FAP: variants seen among roughly 807,000 people sequenced by gnomAD.
The protein encoded by FAP is fibroblast activation protein alpha.
A neutral mutation model predicts 126.5 loss-of-function variants in FAP; 110 were observed. The observed-to-expected ratio is 0.87, with a 90% CI of 0.74 to 1.02. The LOEUF is 1.02. Among genes scored for constraint, FAP ranks in the 50% least tolerant of loss-of-function variants. The pLI is 0.00. For synonymous variants in FAP, 334 were observed against 297.3 expected, an observed-to-expected ratio of 1.12 and a Z score of -1.27; for missense variants, 919 against 909.2, an observed-to-expected ratio of 1.01 and a Z score of -0.14.
At chr2:162,235,009 G>A (rs1333064919) in intron 2 of FAP, among the ~76,000 whole-genome samples, 29 of 152,078 alleles carry the variant, frequency 1.9e-4, no homozygotes, top group Admixed American at 1.8e-3. Flanking sequence ...AGGGCGAACC[G>A]GGTCCCCTAG....
intron 17 of FAP, among the ~76,000 whole-genome samples, chr2:162,192,621 C>T (rs965737404): frequency 6.6e-6 from 1 of 152,110 alleles, no homozygotes; most frequent in Non-Finnish European, 1.5e-5. Flanking sequence ...TGACTTTCAT[C>T]GTTATCTTCA....
intron 2 of FAP, 30 bp downstream of exon 2, chr2:162,242,878 C>G: frequency 1.9e-6 from 3 of 1,546,964 alleles, no homozygotes; most frequent in Non-Finnish European, 2.7e-6. Context: ...CTATTCTAGG[C>G]AGATAGAGCA....
intron 25 of FAP, 86 bp downstream of exon 25, chr2:162,172,725 A>T: frequency 1.2e-6 from 1 of 856,244 alleles, no homozygotes; most frequent in Non-Finnish European, 1.9e-6. Context: ...ATTTTACTTT[A>T]AAAGTTAAAA....
chr2:162,198,527 C>A (rs1318953968), intron 16 of FAP: 2 of 712,284 alleles, frequency 2.8e-6, no homozygotes, highest in Non-Finnish European at 4.3e-6. Context: ...GCAGTGCGGA[C>A]CTTTTGGCAA....
chr2:162,196,518 CTTTT>C (rs3051148), intron 16 of FAP, among the ~76,000 whole-genome samples: 7 of 127,678 alleles, frequency 5.5e-5, no homozygotes, highest in Admixed American at 7.8e-5. Flanking sequence ...ACTTGCATAT[CTTTT>C]TTTTTTTTTT....
intron 8 of FAP, among the ~76,000 whole-genome samples, chr2:162,218,657 A>G (rs1168659335): frequency 6.6e-6 from 1 of 152,014 alleles, no homozygotes; most frequent in Non-Finnish European, 1.5e-5. Context: ...TGAATTCTAC[A>G]TGACCTAGAA....
chr2:162,205,741 G>T (rs1311582212), intron 12 of FAP, among the ~76,000 whole-genome samples: 20 of 152,142 alleles, frequency 1.3e-4, no homozygotes, highest in Admixed American at 1.3e-3. Context: ...TCGAACTCCT[G>T]ACCTCAGGTG....
At chr2:162,190,246 ATCTT>A (rs1444320480) in intron 17 of FAP, among the ~76,000 whole-genome samples, 1 of 152,066 alleles carries the variant, frequency 6.6e-6, no homozygotes, top group African/African-American at 2.4e-5. Context: ...GATTTTTAAA[ATCTT>A]TCTTTCTTAC....
At chr2:162,208,290 T>C in intron 12 of FAP, among the ~76,000 whole-genome samples, 1 of 151,576 alleles carries the variant, frequency 6.6e-6, no homozygotes, top group Non-Finnish European at 1.5e-5. Flanking sequence ...TTGCAGGCAA[T>C]TCATTCATTC....
intron 14 of FAP, among the ~76,000 whole-genome samples, chr2:162,201,476 T>G (rs1357343874): frequency 1.3e-5 from 2 of 152,182 alleles, no homozygotes; most frequent in Non-Finnish European, 2.9e-5. Flanking sequence ...CCCTTTTCCT[T>G]GCCCTCCCCA....
At chr2:162,203,230 T>C in intron 12 of FAP, 85 bp from the exon 13 acceptor site, 1 of 761,366 alleles carries the variant, frequency 1.3e-6, no homozygotes. Context: ...AAGCGACGTA[T>C]GGTCATAGTT....
intron 17 of FAP, among the ~76,000 whole-genome samples, chr2:162,194,479 T>C (rs973505929): frequency 2.0e-5 from 3 of 152,190 alleles, no homozygotes; most frequent in Non-Finnish European, 4.4e-5. Flanking sequence ...CTCATCTATC[T>C]GTGTTATGCC....
intron 10 of FAP, among the ~76,000 whole-genome samples, chr2:162,215,553 T>A (rs535147244): frequency 6.6e-6 from 1 of 152,178 alleles, no homozygotes; most frequent in Non-Finnish European, 1.5e-5. Flanking sequence ...ACACATGTGA[T>A]CCACATAGAT....
Position 162,225,486 on chromosome 2 carries a change from G to T in FAP, c.282C>A (p.Thr94=). Residue 94 remains threonine, a synonymous_variant, in exon 4 of 26, where the codon ACC becomes ACA. Coordinates refer to ENST00000188790, the MANE Select transcript of FAP (RefSeq NM_004460.5). ...GAAGATGATGTTGGATACATACCAT[G>T]GTTCTATTACTCAAAATGGTATATG... ...GQSYTILSNR[T]MKSVNASNYG... 6.3e-7 allele frequency: 1 copy of T among 1,597,762 alleles called. No individual in the cohort carries two copies. The highest frequency in any genetic ancestry group is 1.1e-5 in the South Asian group (1 of 89,410).
At chr2:162,194,600 C>G in intron 17 of FAP, 101 bp downstream of exon 17, 3 of 982,344 alleles carry the variant, frequency 3.1e-6, no homozygotes, top group Non-Finnish European at 4.9e-6. Context: ...ATCGCAGTTC[C>G]CCTTGGTGGT....
At chr2:162,198,131 T>C (rs748950844) in intron 16 of FAP, 19 of 1,235,120 alleles carry the variant, frequency 1.5e-5, no homozygotes, top group African/African-American at 1.6e-5. Flanking sequence ...AGGAAATGTT[T>C]TGTAGATTTT....
chr2:162,202,858 C>T lies in FAP; in HGVS notation c.1223+14G>A, dbSNP rs1357339290. ...AAAACCTGAATGGTGCATCGTGCTT[C>T]GTGCAATACTTACAGTGAATCCTGT... On this transcript the variant is annotated intron_variant, in intron 14 of 25. Transcript: ENST00000188790. The T allele has an allele frequency of 5.6e-6, 9 of 1,604,790 alleles. No individual in the cohort carries two copies. Among genetic ancestry groups the T allele is most frequent in the East Asian group, 2.2e-5 (1 of 44,820 alleles).
intron 20 of FAP, 190 bp from the exon 21 acceptor site, chr2:162,183,658 G>A: frequency 1.9e-6 from 1 of 534,442 alleles, no homozygotes; most frequent in Middle Eastern, 5.2e-4. Flanking sequence ...AGAGATAAAA[G>A]GATTCCCTTA....
chr2:162,238,831 T>C (rs1690237869), intron 2 of FAP, among the ~76,000 whole-genome samples: 1 of 152,184 alleles, frequency 6.6e-6, no homozygotes, highest in Non-Finnish European at 1.5e-5. Flanking sequence ...TACTAATTAG[T>C]AATACTAATA....
Sources: allele counts gnomAD v4.1 joint callset (sites outside exome capture counted in the v4.1 genomes callset), GRCh38; gene constraint gnomAD v4.1.1; transcripts MANE v1.5; gene names NCBI Gene and HGNC (gene_info 2026-07-23, HGNC 2026-07-21).